Variants in WASHC4 observed in about 807,000 individuals in gnomAD.
WASHC4 encodes the protein WASH complex subunit 4.
A neutral mutation model predicts 166.6 loss-of-function variants in WASHC4; 86 were observed. The observed-to-expected ratio is 0.52, with a 90% confidence interval of 0.43 to 0.62. The LOEUF (loss-of-function observed/expected upper bound fraction) is 0.62, where lower values mean the gene tolerates loss of function less well. WASHC4 is among the 20% of genes least tolerant of loss of function. WASHC4 has a pLI of 0.00. For missense variants in WASHC4, 1,262 were observed against 1,382.4 expected, an observed-to-expected ratio of 0.91 and a Z score of 1.38; for synonymous variants, 446 against 451.6, an observed-to-expected ratio of 0.99 and a Z score of 0.16.
chr12:105,128,776 T>C (rs1473852068), intron 13 of WASHC4, among the ~76,000 whole-genome samples: 2 of 151,276 alleles, frequency 1.3e-5, no homozygotes, highest in Non-Finnish European at 2.9e-5. Flanking sequence ...CCGTTTTGTT[T>C]TTTTTTTTGA....
At chr12:105,161,694 A>G (rs1205635316) in intron 29 of WASHC4, among the ~76,000 whole-genome samples, 3 of 152,266 alleles carry the variant, frequency 2.0e-5, no homozygotes, top group African/African-American at 7.2e-5. Flanking sequence ...GATTGAATTA[A>G]TGATTGATAA....
chr12:105,120,304 T>C (rs745462210), intron 7 of WASHC4, among the ~76,000 whole-genome samples: 1 of 152,212 alleles, frequency 6.6e-6, no homozygotes, highest in African/African-American at 2.4e-5. Context: ...TAGGCAAGAA[T>C]ACTATTAGGT....
chr12:105,116,121 G>A (rs1372470201), intron 6 of WASHC4, among the ~76,000 whole-genome samples: 1 of 152,098 alleles, frequency 6.6e-6, no homozygotes, highest in Non-Finnish European at 1.5e-5. Context: ...CTAACAGCTT[G>A]TTTCAGTTTA....
chr12:105,143,872 A>G (rs571964504), intron 20 of WASHC4, among the ~76,000 whole-genome samples: 2 of 152,132 alleles, frequency 1.3e-5, no homozygotes, highest in South Asian at 4.1e-4. Context: ...GAAATAAAAT[A>G]CATGCCTGGA....
chr12:105,152,268 T>C, intron 25 of WASHC4, 75 bp from the exon 26 acceptor site: 1 of 769,660 alleles, frequency 1.3e-6, no homozygotes, highest in Non-Finnish European at 2.4e-6. Context: ...AGAGTAGTAT[T>C]GGCATGGTTT....
intron 10 of WASHC4, among the ~76,000 whole-genome samples, chr12:105,125,737 G>T (rs187424431): frequency 6.6e-6 from 1 of 151,892 alleles, no homozygotes; most frequent in South Asian, 2.1e-4. Flanking sequence ...TCTGAACATC[G>T]TGTGTATCTC....
At chr12:105,140,220 T>C (rs1882711062) in intron 15 of WASHC4, 74 bp from the exon 16 acceptor site, 1 of 1,047,430 alleles carries the variant, frequency 9.5e-7, no homozygotes, top group Admixed American at 1.7e-5. Context: ...TAGCCTAAGG[T>C]CGTAAAGATC....
chr12:105,145,019 A>G (rs1455896078), intron 22 of WASHC4, 147 bp downstream of exon 22: 3 of 807,250 alleles, frequency 3.7e-6, no homozygotes, highest in Non-Finnish European at 5.7e-6. Flanking sequence ...ACTTGACAAC[A>G]GTAAAAAATT....
chr12:105,125,819 A>C (rs1243937866), intron 10 of WASHC4, among the ~76,000 whole-genome samples, 185 bp from the exon 11 acceptor site: 1 of 152,112 alleles, frequency 6.6e-6, no homozygotes, highest in Non-Finnish European at 1.5e-5. Flanking sequence ...ATATAAATAC[A>C]TATATATTTT....
In WASHC4 at chr12:105,163,964, G is replaced by A. The variant is rs1884656678; in HGVS notation, c.3158-147G>A. On this transcript the variant is annotated intron_variant, in intron 30 of 32. Coordinates refer to ENST00000332180, the MANE Select transcript of WASHC4 (RefSeq NM_015275.3). ...TTTGTTAAACCCATCATTCATTTATGCTGTAAAATGTAACTTGAAACGGGA... is the reference window on the plus strand; with the variant it reads ...TTTGTTAAACCCATCATTCATTTATACTGTAAAATGTAACTTGAAACGGGA... 4.3e-6 allele frequency: 3 copies of A among 701,382 alleles called. No individual in the cohort carries two copies. In the Admixed American group the frequency reaches 7.5e-5, roughly 18 times the overall value. The allele number at this position is 701,382 out of a possible 1,614,324, so 43.4% of individuals were successfully genotyped here.
At chr12:105,155,876 GT>G (rs1191116881) in intron 26 of WASHC4, among the ~76,000 whole-genome samples, 1 of 151,938 alleles carries the variant, frequency 6.6e-6, no homozygotes, top group Non-Finnish European at 1.5e-5. Context: ...CTCTAACTTA[GT>G]TTTTAAAAAT....
chr12:105,164,297 T>TAC lies in WASHC4; in HGVS notation c.3344_3345insAC (p.Tyr1116ProfsTer13). On this transcript the variant is annotated frameshift_variant, in exon 31 of 33. Coordinates refer to ENST00000332180, the MANE Select transcript of WASHC4 (RefSeq NM_015275.3). LOFTEE classifies it high-confidence loss of function. ...AATCTCACTCAGAAGCGACTGGATG[T>TAC]CTATCTACAGGTAGAGAGGAGCCTA... 1 of 1,613,598 alleles carries TAC rather than the reference T, an allele frequency of 6.2e-7. No individual in the cohort carries two copies. Among genetic ancestry groups the TAC allele is most frequent in the Non-Finnish European group, 8.5e-7 (1 of 1,179,622 alleles).
intron 24 of WASHC4, chr12:105,149,247 A>G (rs1430728105): frequency 9.1e-6 from 9 of 985,304 alleles, no homozygotes; most frequent in Non-Finnish European, 1.1e-5. Context: ...ATTAGCAATA[A>G]GTAATCTTAC....
chr12:105,107,751 C>T lies in WASHC4; in HGVS notation c.-50C>T, dbSNP rs1408396834. Reference sequence around the variant, plus strand: ...GTGACAGTAGCTGGGGTGAGGCCGTCGTCGCCGCACGGGCTGGTTGGGGCT... The same window carrying T: ...GTGACAGTAGCTGGGGTGAGGCCGTTGTCGCCGCACGGGCTGGTTGGGGCT... On this transcript the variant is annotated 5_prime_UTR_variant, in exon 1 of 33. Transcript: ENST00000332180. The T allele has an allele frequency of 2.7e-5, 38 of 1,400,100 alleles. No individual in the cohort carries two copies. Among genetic ancestry groups the T allele is most frequent in the Non-Finnish European group, 3.1e-5 (31 of 1,013,464 alleles). The allele number at this position is 1,400,100 out of a possible 1,614,324, so 86.7% of individuals were successfully genotyped here. A position where few individuals can be genotyped will look rare whatever the true frequency, so the allele number is the denominator to read the frequency against.
intron 12 of WASHC4, 34 bp from the exon 13 acceptor site, chr12:105,127,095 A>G (rs759650154): frequency 8.2e-6 from 13 of 1,584,328 alleles, no homozygotes; most frequent in Non-Finnish European, 1.1e-5. Flanking sequence ...GCCTGCATTT[A>G]ATGAATTTTC....
At chr12:105,115,585 CT>C in intron 5 of WASHC4, 75 bp from the exon 6 acceptor site, 4 of 1,059,534 alleles carry the variant, frequency 3.8e-6, no homozygotes, top group South Asian at 1.3e-5. Flanking sequence ...AAAAAAAAAA[CT>C]TTTCCCCCTT....
At chr12:105,116,705 A>G (rs963030095) in intron 6 of WASHC4, among the ~76,000 whole-genome samples, 1 of 152,246 alleles carries the variant, frequency 6.6e-6, no homozygotes, top group African/African-American at 2.4e-5. Flanking sequence ...ATCCCATAAC[A>G]TGTTGTATAC....
intron 10 of WASHC4, 88 bp from the exon 11 acceptor site, chr12:105,125,916 T>C (rs1437049633): frequency 2.4e-6 from 3 of 1,268,416 alleles, no homozygotes; most frequent in Non-Finnish European, 2.2e-6. Flanking sequence ...TAGAAATTTA[T>C]CATACACTGT....
chr12:105,125,613 A>T (rs1033818278), intron 10 of WASHC4, among the ~76,000 whole-genome samples: 2 of 152,150 alleles, frequency 1.3e-5, no homozygotes, highest in African/African-American at 4.8e-5. Context: ...TCCAGGAGAC[A>T]TTTCTATACA....
Sources: allele counts gnomAD v4.1 joint callset (sites outside exome capture counted in the v4.1 genomes callset), GRCh38; gene constraint gnomAD v4.1.1; transcripts MANE v1.5; gene names NCBI Gene and HGNC (gene_info 2026-07-23, HGNC 2026-07-21).